Variants in SCAMP5 observed in about 807,000 individuals in gnomAD.
SCAMP5 encodes secretory carrier-associated membrane protein 5.
SCAMP5 carries 7 observed loss-of-function variants against 28.3 expected under a neutral mutation model. That is an observed-to-expected ratio of 0.25 (90% confidence interval 0.14 to 0.46). The LOEUF (loss-of-function observed/expected upper bound fraction) is 0.46. SCAMP5 is among the 20% of genes least tolerant of loss of function. The pLI is 0.99. For synonymous variants in SCAMP5, 117 were observed against 116.4 expected (o/e 1.00, Z -0.03); for missense variants, 192 against 312.5 (o/e 0.61, Z 2.91).
chr15:75,014,573 G>T (rs1449833117), intron 3 of SCAMP5, among the ~76,000 whole-genome samples: 4 of 152,074 alleles, frequency 2.6e-5, no homozygotes, highest in Non-Finnish European at 5.9e-5. Context: ...TTTTTTCTTA[G>T]CAACATTCAG....
Position 75,018,681 on chromosome 15 carries a change from T to C in SCAMP5, c.514-108T>C. 1 of 1,037,580 alleles carries C rather than the reference T, an allele frequency of 9.6e-7. No individual in the cohort carries two copies. The highest frequency in any genetic ancestry group is 1.5e-6 in the Non-Finnish European group (1 of 669,580). The allele number at this position is 1,037,580 out of a possible 1,614,324, so 64.3% of individuals were successfully genotyped here. A position where few individuals can be genotyped will look rare whatever the true frequency, so the allele number is the denominator to read the frequency against. On this transcript the variant is annotated intron_variant, in intron 6 of 6. Transcript: ENST00000425597. The surrounding 1 kb of genome is among the most constrained non-coding windows in gnomAD (Gnocchi z 5.6). ...CTGCAGGACTCTCCTACAGAGGCATTCATGGGGAGGGAGCACTGTTTTTTT... is the reference window on the plus strand; with the variant it reads ...CTGCAGGACTCTCCTACAGAGGCATCCATGGGGAGGGAGCACTGTTTTTTT...
chr15:74,998,163 C>T (rs890612841), intron 1 of SCAMP5, among the ~76,000 whole-genome samples: 18 of 152,202 alleles, frequency 1.2e-4, no homozygotes, highest in African/African-American at 4.3e-4. Context: ...GTTAGGGTTT[C>T]ATGAACAAAA....
At chr15:75,006,191 G>C (rs2065757427) in intron 1 of SCAMP5, among the ~76,000 whole-genome samples, 1 of 150,870 alleles carries the variant, frequency 6.6e-6, no homozygotes, top group Non-Finnish European at 1.5e-5. Context: ...TATAGACAGG[G>C]TTTCACTGTG....
intron 1 of SCAMP5, among the ~76,000 whole-genome samples, chr15:75,001,322 T>A (rs2065706151): frequency 6.6e-6 from 1 of 150,930 alleles, no homozygotes; most frequent in Non-Finnish European, 1.5e-5. Flanking sequence ...GAAGCCATCC[T>A]TGACTCCTGT....
rs543487905 is a variant in SCAMP5 at position 75,007,942 on chromosome 15, C to T, written c.-48-3850C>T. On this transcript the variant is annotated intron_variant, in intron 1 of 6. Transcript: ENST00000425597. ...CTCGAACTCCTGGGCCCAAGCGATC[C>T]ATCTGCCTTGGTGTCTCAAAGTGCT... Among the ~76,000 whole-genome samples, 3 of 152,250 alleles carry T rather than the reference C, an allele frequency of 2.0e-5. No individual in the cohort carries two copies. In the South Asian group the frequency reaches 6.2e-4, roughly 32 times the overall value.
At position 75,019,187 on chromosome 15, in the gene SCAMP5, G is replaced by A; in HGVS notation, c.*204G>A. ...TTTCAGATTCTGCTCTTGGCACTCA[G>A]CTGTGGGCTGCACGTGGAGCTGTCC... On this transcript the variant is annotated 3_prime_UTR_variant, in exon 7 of 7. Coordinates refer to ENST00000425597, the MANE Select transcript of SCAMP5 (RefSeq NM_138967.4). The A allele has an allele frequency of 2.6e-6, 1 of 387,142 alleles. No homozygotes were observed. The highest frequency in any genetic ancestry group is 4.5e-5 in the Admixed American group (1 of 22,450). 24.0% of individuals were successfully genotyped at this position (387,142 alleles called of 1,614,324 possible). A position where few individuals can be genotyped will look rare whatever the true frequency, so the allele number is the denominator to read the frequency against.
intron 1 of SCAMP5, among the ~76,000 whole-genome samples, chr15:75,008,909 G>A (rs368035801): frequency 9.9e-5 from 15 of 152,152 alleles, no homozygotes; most frequent in African/African-American, 2.2e-4. Context: ...GTGTCATGTC[G>A]AATAACGTGT....
At chr15:75,006,634 A>C (rs974401525) in intron 1 of SCAMP5, among the ~76,000 whole-genome samples, 1 of 152,126 alleles carries the variant, frequency 6.6e-6, no homozygotes, top group Non-Finnish European at 1.5e-5. Context: ...AAAAAAATAC[A>C]AAAAAATTCG....
chr15:75,005,035 T>C (rs909934407), intron 1 of SCAMP5, among the ~76,000 whole-genome samples: 3 of 151,248 alleles, frequency 2.0e-5, no homozygotes, highest in African/African-American at 7.3e-5. Flanking sequence ...ATTAGCTGGG[T>C]GTGGTGGCGT....
Position 75,019,039 on chromosome 15 carries a change from C to A in SCAMP5, c.*56C>A, listed in dbSNP as rs2065884082. The A allele has an allele frequency of 4.8e-6, 6 of 1,261,742 alleles. No individual in the cohort carries two copies. Among genetic ancestry groups the A allele is most frequent in the Non-Finnish European group, 6.5e-6 (6 of 925,440 alleles). The allele number at this position is 1,261,742 out of a possible 1,614,324, so 78.2% of individuals were successfully genotyped here. ...GGGCCATTGGGACAGGGGGCTCAAG[C>A]CACATCGTCATTTGTGGTTACCAAG... is the stretch of plus-strand genomic sequence containing the variant. On this transcript the variant is annotated 3_prime_UTR_variant, in exon 7 of 7. Coordinates refer to ENST00000425597, the MANE Select transcript of SCAMP5 (RefSeq NM_138967.4).
chr15:75,013,558 T>C (rs1367511245), intron 3 of SCAMP5, among the ~76,000 whole-genome samples: 1 of 152,072 alleles, frequency 6.6e-6, no homozygotes, highest in African/African-American at 2.4e-5. Flanking sequence ...AAATTAGGCC[T>C]GTGTGGTGGC....
In SCAMP5 at chr15:75,018,355, T is replaced by C. The variant is rs751504583; in HGVS notation, c.396-63T>C. 2.0e-5 allele frequency: 20 copies of C among 981,832 alleles called. No individual in the cohort carries two copies. Among genetic ancestry groups the C allele is most frequent in the Non-Finnish European group, 3.0e-5 (18 of 603,286 alleles). 60.8% of individuals were successfully genotyped at this position (981,832 alleles called of 1,614,324 possible). A position where few individuals can be genotyped will look rare whatever the true frequency, so the allele number is the denominator to read the frequency against. ...GTGGCAATGAGACGGTCCCTTCCTC[T>C]AGCGGGGGGCTCCTGGGCACCTCTT... On this transcript the variant is annotated intron_variant, in intron 5 of 6. Coordinates refer to ENST00000425597, the MANE Select transcript of SCAMP5 (RefSeq NM_138967.4). The surrounding 1 kb of genome is among the most constrained non-coding windows in gnomAD (Gnocchi z 5.6).
Position 75,019,035 on chromosome 15 carries a change from C to T in SCAMP5, c.*52C>T. ...GCTGGGGCCATTGGGACAGGGGGCT[C>T]AAGCCACATCGTCATTTGTGGTTAC... On this transcript the variant is annotated 3_prime_UTR_variant, in exon 7 of 7. Transcript: ENST00000425597. 1 of 1,253,292 alleles carries T rather than the reference C, an allele frequency of 8.0e-7. No homozygotes were observed. The highest frequency in any genetic ancestry group is 1.1e-6 in the Non-Finnish European group (1 of 930,000). 77.6% of individuals were successfully genotyped at this position (1,253,292 alleles called of 1,614,324 possible).
rs1469745070 is a variant in SCAMP5 at position 75,018,484 on chromosome 15, C to T, written c.462C>T (p.Pro154=). ...NIGSAVVMLI[P]TVMFTVMAVF... Reference sequence around the variant, plus strand: ...GCTCGGCGGTGGTGATGCTAATTCCCACTGTCATGTTCACAGTGATGGCCG... The same window carrying T: ...GCTCGGCGGTGGTGATGCTAATTCCTACTGTCATGTTCACAGTGATGGCCG... The change falls in exon 6 of 7, where the codon CCC becomes CCT. Residue 154 remains proline (P), a synonymous_variant. Transcript: ENST00000425597. This position sits in a 1 kb window ranked among gnomAD's most constrained non-coding sequence, Gnocchi z 5.6. 1 of 1,613,636 alleles carries T rather than the reference C, an allele frequency of 6.2e-7. No homozygotes were observed. Among genetic ancestry groups the T allele is most frequent in the Non-Finnish European group, 8.5e-7 (1 of 1,179,706 alleles).
chr15:75,015,463 C>CG (rs2065850815), intron 3 of SCAMP5, among the ~76,000 whole-genome samples: 1 of 150,656 alleles, frequency 6.6e-6, no homozygotes, highest in Admixed American at 6.6e-5. Flanking sequence ...GGGGGGGGGG[C>CG]CTGGGTCCTG....
intron 1 of SCAMP5, among the ~76,000 whole-genome samples, chr15:75,009,431 T>A (rs919976787): frequency 2.8e-5 from 4 of 142,664 alleles, no homozygotes; most frequent in African/African-American, 1.0e-4. Flanking sequence ...TTGACTGGAA[T>A]GCTAGAAGTT....
chr15:75,018,866 T>C lies in SCAMP5; in HGVS notation c.591T>C (p.Asn197=), dbSNP rs774375333. 3 of 1,594,610 alleles carry C rather than the reference T, an allele frequency of 1.9e-6. No individual in the cohort carries two copies. The highest frequency in any genetic ancestry group is 2.2e-5 in the East Asian group (1 of 44,790). Residue 197 remains asparagine (N), a synonymous_variant, in exon 7 of 7, where the codon AAT becomes AAC. Coordinates refer to ENST00000425597, the MANE Select transcript of SCAMP5 (RefSeq NM_138967.4). This position sits in a 1 kb window ranked among gnomAD's most constrained non-coding sequence, Gnocchi z 5.6. ...QEEWTTGAWK[N]PHVQQAAQNA... ...AGTGGACCACAGGGGCCTGGAAGAA[T>C]CCACATGTGCAGCAGGCAGCCCAGA...
At chr15:75,009,915 G>A (rs2065795857) in intron 1 of SCAMP5, 1 of 152,132 alleles carries the variant, frequency 6.6e-6, no homozygotes, top group Admixed American at 6.5e-5. Flanking sequence ...ACAGATGCCG[G>A]GCCCCCAGTC....
intron 3 of SCAMP5, among the ~76,000 whole-genome samples, chr15:75,015,647 C>T (rs1048793787): frequency 2.0e-5 from 3 of 152,174 alleles, no homozygotes; most frequent in African/African-American, 7.2e-5. Context: ...GATTAGATAG[C>T]TGGGCACTGT....
Sources: allele counts gnomAD v4.1 joint callset (sites outside exome capture counted in the v4.1 genomes callset), GRCh38; gene constraint gnomAD v4.1.1; non-coding constraint Gnocchi (gnomAD v3.1); transcripts MANE v1.5; gene names NCBI Gene and HGNC (gene_info 2026-07-23, HGNC 2026-07-21).